The following ADCY10 variants were observed in gnomAD, a reference collection of about 807,000 sequenced individuals.
ADCY10 encodes the protein adenylate cyclase type 10.
A neutral mutation model predicts 183.3 loss-of-function variants in ADCY10; 156 were observed. The ratio of observed to expected loss-of-function variants is 0.85; its 90% CI spans 0.75 to 0.97. The LOEUF is 0.97. Among genes scored for constraint, ADCY10 ranks in the 50% least tolerant of loss-of-function variants. The pLI is 0.00. For synonymous variants in ADCY10, 645 were observed against 670.0 expected, an observed-to-expected ratio of 0.96 and a Z score of 0.58; for missense variants, 1,745 against 1,934.3, an observed-to-expected ratio of 0.90 and a Z score of 1.84.
intron 14 of ADCY10, among the ~76,000 whole-genome samples, chr1:167,868,462 G>T (rs1168685399): frequency 1.3e-5 from 2 of 152,274 alleles, no homozygotes; most frequent in Admixed American, 1.3e-4. Flanking sequence ...CACAAAAACA[G>T]TTACATGGTG....
At chr1:167,886,235 G>A (rs1668215205) in intron 8 of ADCY10, among the ~76,000 whole-genome samples, 1 of 152,158 alleles carries the variant, frequency 6.6e-6, no homozygotes, top group Non-Finnish European at 1.5e-5. Flanking sequence ...AGCCTGCATT[G>A]TCAAGATAAT....
At chr1:167,824,370 AACTCT>A (rs1663121180) in intron 28 of ADCY10, 101 bp downstream of exon 28, 6 of 930,648 alleles carry the variant, frequency 6.4e-6, no homozygotes, top group Non-Finnish European at 1.1e-5. Flanking sequence ...TCTTACTGCA[AACTCT>A]ACTCCCTTCC....
intron 14 of ADCY10, among the ~76,000 whole-genome samples, chr1:167,866,525 T>G (rs1287144233): frequency 5.9e-5 from 6 of 101,620 alleles, no homozygotes; most frequent in Non-Finnish European, 3.5e-5. Flanking sequence ...GCACACTCTA[T>G]GTGCCAAAAA....
At chr1:167,899,714 G>C in intron 5 of ADCY10, 86 bp from the exon 6 acceptor site, 11 of 1,280,580 alleles carry the variant, frequency 8.6e-6, no homozygotes, top group African/African-American at 1.5e-5. Context: ...CCATAATCTT[G>C]GTGGGACTAT....
intron 6 of ADCY10, among the ~76,000 whole-genome samples, chr1:167,898,622 T>G (rs1669175113): frequency 2.0e-5 from 3 of 151,438 alleles, no homozygotes; most frequent in Non-Finnish European, 4.4e-5. Flanking sequence ...AAAGAATGAT[T>G]GAAGAGCATG....
At chr1:167,816,104 C>G (rs1662514238) in intron 31 of ADCY10, among the ~76,000 whole-genome samples, 1 of 151,756 alleles carries the variant, frequency 6.6e-6, no homozygotes, top group African/African-American at 2.4e-5. Flanking sequence ...ATCAGAAATA[C>G]TTGAAGCAAG....
rs111936162 is a variant in ADCY10 at position 167,867,379 on chromosome 1, T to C, written c.1616+2878A>G. Among the ~76,000 whole-genome samples, 1,042 of 152,284 alleles carry C rather than the reference T, an allele frequency of 6.8e-3. 9 individuals carry two copies. The highest frequency in any genetic ancestry group is 0.011 in the Admixed American group (161 of 15,294). ...TCATTTTCCTTAAAATTTGGACTTG[T>C]ACAGTAAGGACTTCAACTGACCTTC... On this transcript the variant is annotated intron_variant, in intron 14 of 32. Transcript: ENST00000367851.
chr1:167,820,128 T>C, intron 30 of ADCY10: 6 of 1,557,074 alleles, frequency 3.9e-6, no homozygotes, highest in Admixed American at 2.0e-5. Flanking sequence ...GGACCATGAC[T>C]CAGCTTTTTG....
At chr1:167,815,246 G>GA (rs1174569200) in intron 31 of ADCY10, among the ~76,000 whole-genome samples, 2 of 151,916 alleles carry the variant, frequency 1.3e-5, no homozygotes, top group Admixed American at 6.6e-5. Context: ...AATATTGGAG[G>GA]AAAAAAAATC....
chr1:167,849,529 A>C (rs528901690), intron 18 of ADCY10, among the ~76,000 whole-genome samples: 83 of 152,346 alleles, frequency 5.4e-4, no homozygotes, highest in Middle Eastern at 3.4e-3. Flanking sequence ...TACAGTAAGC[A>C]CCAGAGTTCA....
intron 13 of ADCY10, among the ~76,000 whole-genome samples, chr1:167,871,000 A>G (rs1376476812): frequency 6.6e-6 from 1 of 152,190 alleles, no homozygotes; most frequent in Non-Finnish European, 1.5e-5. Context: ...ATTATAGTGT[A>G]GAAAACTGAG....
Position 167,883,734 on chromosome 1 carries a change from G to C in ADCY10, c.829-106C>G, listed in dbSNP as rs557565715. On this transcript the variant is annotated intron_variant, in intron 8 of 32. Coordinates refer to ENST00000367851, the MANE Select transcript of ADCY10 (RefSeq NM_018417.6). ...AATCATCTAGGGAATGTCTACCTCA[G>C]AATGGGTGAGGTACAACATGACAGA... The C allele has an allele frequency of 2.4e-4, 242 of 998,946 alleles. 2 individuals carry two copies. The African/African-American group carries it at 3.2e-3, about 13-fold the overall frequency. The allele number at this position is 998,946 out of a possible 1,614,324, so 61.9% of individuals were successfully genotyped here.
intron 21 of ADCY10, among the ~76,000 whole-genome samples, chr1:167,843,661 G>A (rs1341072918): frequency 6.6e-6 from 1 of 152,108 alleles, no homozygotes; most frequent in Non-Finnish European, 1.5e-5. Context: ...TTTCTCCCAG[G>A]TGGGTTTTAT....
intron 8 of ADCY10, among the ~76,000 whole-genome samples, chr1:167,884,694 A>ATTTTTTTTTTTTTT (rs71100911): frequency 9.2e-6 from 1 of 108,628 alleles, no homozygotes. Flanking sequence ...AATCATTTTA[A>ATTTTTTTTTTTTTT]TTTTTTTTTT....
chr1:167,854,267 G>T (rs3738235), intron 18 of ADCY10, 86 bp downstream of exon 18: 45 of 1,539,174 alleles, frequency 2.9e-5, no homozygotes, highest in African/African-American at 4.1e-5. Context: ...GCAGCCTGTG[G>T]AATAGCTCAT....
At position 167,899,588 on chromosome 1, in the gene ADCY10, A is replaced by T. The variant is rs780750810; in HGVS notation, c.477T>A (p.Asp159Glu). 6.2e-7 allele frequency: 1 copy of T among 1,614,168 alleles called. No homozygotes were observed. Among genetic ancestry groups the T allele is most frequent in the Non-Finnish European group, 8.5e-7 (1 of 1,180,034 alleles). Residue 159 changes from aspartate (D) to glutamate (E), a missense_variant, in exon 6 of 33, where the codon GAT becomes GAA. Physicochemically the swap from Asp to Glu is conservative, Grantham distance 45. Transcript: ENST00000367851. ...TCACCAGAAAGTGGCTGTGTGTTTC[A>T]TCTCCAAAGACCAACATGCTGATGT... ...AGHISMLVFG[D>E]ETHSHFLVIG...
At chr1:167,826,476 G>A (rs1453401672) in intron 26 of ADCY10, among the ~76,000 whole-genome samples, 1 of 152,182 alleles carries the variant, frequency 6.6e-6, no homozygotes, top group Non-Finnish European at 1.5e-5. Flanking sequence ...GAGCACTGAG[G>A]GGAGCGCTTC....
chr1:167,836,908 C>T, intron 22 of ADCY10: 1 of 354,004 alleles, frequency 2.8e-6, no homozygotes, highest in Non-Finnish European at 5.2e-6. Flanking sequence ...GCCTGTAGTC[C>T]CAGTTATTCA....
chr1:167,907,202 G>A (rs1239508869), intron 1 of ADCY10, among the ~76,000 whole-genome samples: 1 of 152,154 alleles, frequency 6.6e-6, no homozygotes, highest in African/African-American at 2.4e-5. Context: ...ACCATAGATG[G>A]GCACATTCTC....
Sources: allele counts gnomAD v4.1 joint callset (sites outside exome capture counted in the v4.1 genomes callset), GRCh38; gene constraint gnomAD v4.1.1; transcripts MANE v1.5; gene names NCBI Gene and HGNC (gene_info 2026-07-23, HGNC 2026-07-21).